Variants in PTPRD observed in about 807,000 individuals in gnomAD.
PTPRD encodes the protein protein tyrosine phosphatase receptor type D, also known as receptor-type tyrosine-protein phosphatase delta.
PTPRD carries 34 observed loss-of-function variants against 214.5 expected under a neutral mutation model. The ratio of observed to expected loss-of-function variants is 0.16; its 90% CI spans 0.12 to 0.21. PTPRD has a LOEUF of 0.21. PTPRD is among the 10% of genes least tolerant of loss of function. The pLI is 1.00. For missense variants in PTPRD, 2,545 were observed against 2,398.7 expected, an observed-to-expected ratio of 1.06 and a Z score of -1.27; for synonymous variants, 1,128 against 845.7, an observed-to-expected ratio of 1.33 and a Z score of -5.79.
intron 2 of PTPRD, among the ~76,000 whole-genome samples, chr9:10,429,490 C>G (rs2098656768): frequency 6.6e-6 from 1 of 151,736 alleles, no homozygotes; most frequent in Non-Finnish European, 1.5e-5. Flanking sequence ...AGATACTATT[C>G]AGTTATAAAA....
At chr9:9,678,807 T>G (rs1440271435) in intron 7 of PTPRD, among the ~76,000 whole-genome samples, 2 of 151,886 alleles carry the variant, frequency 1.3e-5, no homozygotes, top group African/African-American at 4.8e-5. Context: ...CAGTGAATGA[T>G]CTCTCACATT....
intron 9 of PTPRD, among the ~76,000 whole-genome samples, chr9:9,389,809 T>C (rs2065164808): frequency 6.6e-6 from 1 of 152,188 alleles, no homozygotes; most frequent in African/African-American, 2.4e-5. Context: ...TTATTGAACA[T>C]TCACTCTGTG....
intron 6 of PTPRD, among the ~76,000 whole-genome samples, chr9:9,745,876 C>A (rs2098452641): frequency 6.6e-6 from 1 of 151,998 alleles, no homozygotes; most frequent in Non-Finnish European, 1.5e-5. Flanking sequence ...GTCTCTAGAA[C>A]AAGAGAACAA....
chr9:8,319,214 C>T (rs1824821728), intron 45 of PTPRD, among the ~76,000 whole-genome samples: 1 of 152,064 alleles, frequency 6.6e-6, no homozygotes, highest in Non-Finnish European at 1.5e-5. Flanking sequence ...TTTTGCAGAA[C>T]ATAAACTCTA....
At chr9:10,040,528 G>A (rs1298391551) in intron 3 of PTPRD, among the ~76,000 whole-genome samples, 2 of 151,962 alleles carry the variant, frequency 1.3e-5, no homozygotes, top group Non-Finnish European at 2.9e-5. Flanking sequence ...AACCATTAGT[G>A]ATCCTCTCAA....
chr9:8,831,382 C>T (rs1015115153), intron 11 of PTPRD, among the ~76,000 whole-genome samples: 3 of 152,154 alleles, frequency 2.0e-5, no homozygotes, highest in Non-Finnish European at 4.4e-5. Context: ...TGGCTTGCTT[C>T]CATTACACCA....
intron 11 of PTPRD, among the ~76,000 whole-genome samples, chr9:8,794,780 G>T (rs755183684): frequency 2.6e-5 from 4 of 151,908 alleles, no homozygotes; most frequent in Middle Eastern, 3.4e-3. Flanking sequence ...AAACCGAGGA[G>T]TAAGTTATTT....
At chr9:10,213,199 G>T (rs1414620757) in intron 3 of PTPRD, among the ~76,000 whole-genome samples, 1 of 152,024 alleles carries the variant, frequency 6.6e-6, no homozygotes, top group Non-Finnish European at 1.5e-5. Context: ...TAACAATACA[G>T]ATTTGTTTTT....
intron 14 of PTPRD, among the ~76,000 whole-genome samples, chr9:8,533,565 G>T (rs1328700534): frequency 2.0e-5 from 3 of 151,926 alleles, no homozygotes; most frequent in African/African-American, 7.2e-5. Context: ...ACACAATATG[G>T]ATGAAGAGAC....
chr9:9,027,342 A>C (rs1050764848), intron 10 of PTPRD, among the ~76,000 whole-genome samples: 3 of 151,946 alleles, frequency 2.0e-5, no homozygotes, highest in African/African-American at 4.8e-5. Flanking sequence ...TCCATTTGAC[A>C]ATAGCTGTTA....
chr9:8,826,885 A>G (rs1031209949), intron 11 of PTPRD, among the ~76,000 whole-genome samples: 2 of 152,024 alleles, frequency 1.3e-5, no homozygotes, highest in East Asian at 1.9e-4. Context: ...GGTTCTCATC[A>G]TATCTTTAAA....
chr9:8,826,337 C>G (rs1430769380), intron 11 of PTPRD, among the ~76,000 whole-genome samples: 1 of 152,142 alleles, frequency 6.6e-6, no homozygotes. Context: ...ACCCCTCAGC[C>G]TACAATCCCT....
chr9:8,577,623 C>T (rs901532218), intron 14 of PTPRD, among the ~76,000 whole-genome samples: 1 of 152,194 alleles, frequency 6.6e-6, no homozygotes, highest in African/African-American at 2.4e-5. Flanking sequence ...AATCCTACCT[C>T]CTTTTGAAAG....
At chr9:9,703,590 T>C (rs1054929346) in intron 7 of PTPRD, among the ~76,000 whole-genome samples, 1 of 152,170 alleles carries the variant, frequency 6.6e-6, no homozygotes, top group Non-Finnish European at 1.5e-5. Context: ...CATTGATGCA[T>C]AGCATATTAA....
chr9:9,164,204 C>T (rs546035872), intron 10 of PTPRD, among the ~76,000 whole-genome samples: 18 of 152,220 alleles, frequency 1.2e-4, no homozygotes, highest in South Asian at 6.2e-4. Flanking sequence ...GGAGGATATA[C>T]AAGATAATCA....
intron 12 of PTPRD, among the ~76,000 whole-genome samples, chr9:8,704,027 A>G (rs139803934): frequency 8.3e-4 from 126 of 152,298 alleles, no homozygotes; most frequent in African/African-American, 2.8e-3. Context: ...ATATGAGGAA[A>G]TAATTTACTT....
chr9:9,722,033 T>C (rs1226786032), intron 7 of PTPRD, among the ~76,000 whole-genome samples: 1 of 152,060 alleles, frequency 6.6e-6, no homozygotes, highest in Non-Finnish European at 1.5e-5. Context: ...TAATATATCA[T>C]ATTTATCCCA....
rs369727137 is a variant in PTPRD at position 8,314,333 on chromosome 9, C to T, written c.*3541G>A. The T allele has an allele frequency of 8.8e-6, 2 of 226,564 alleles. No individual in the cohort carries two copies. The highest frequency in any genetic ancestry group is 1.3e-4 in the East Asian group (2 of 15,840). The allele number at this position is 226,564 out of a possible 1,614,324, so 14.0% of individuals were successfully genotyped here. A position where few individuals can be genotyped will look rare whatever the true frequency, so the allele number is the denominator to read the frequency against. On this transcript the variant is annotated 3_prime_UTR_variant, in exon 46 of 46. Transcript: ENST00000381196. Reference sequence around the variant, plus strand: ...AACTGATTTTCATACAGACTTCTTTCGCCACCAATGTAACGAAGTAAGAAA... The same window carrying T: ...AACTGATTTTCATACAGACTTCTTTTGCCACCAATGTAACGAAGTAAGAAA...
intron 10 of PTPRD, among the ~76,000 whole-genome samples, chr9:9,102,311 G>T (rs1368356677): frequency 6.6e-6 from 1 of 152,160 alleles, no homozygotes; most frequent in Non-Finnish European, 1.5e-5. Flanking sequence ...ATTCTCTTTT[G>T]AATTTACCAT....
Sources: gnomAD v4.1 joint callset for allele counts (sites outside exome capture counted in the v4.1 genomes callset) on GRCh38, gnomAD v4.1.1 for gene constraint, MANE v1.5 for transcripts, NCBI Gene and HGNC (gene_info 2026-07-23, HGNC 2026-07-21) for gene names.